PKN2: variants seen among roughly 807,000 people sequenced by gnomAD.
PKN2 encodes the protein protein kinase N2, also known as serine/threonine-protein kinase N2.
Under a neutral mutation model 119.1 loss-of-function variants are expected in PKN2, and 38 were observed. That is an observed-to-expected ratio of 0.32 (90% CI 0.25 to 0.42). PKN2 has a LOEUF of 0.42. Ranked by LOEUF, PKN2 falls within the 10% of genes least tolerant of loss-of-function variation. The probability of loss-of-function intolerance (pLI) is 1.00; values close to 1 mark genes in which losing one functional copy is unlikely to be tolerated. For missense variants in PKN2, 850 were observed against 1,165.1 expected, an observed-to-expected ratio of 0.73 and a Z score of 3.94; for synonymous variants, 390 against 384.9, an observed-to-expected ratio of 1.01 and a Z score of -0.15.
chr1:88,699,108 C>G (rs1013890685), intron 1 of PKN2, among the ~76,000 whole-genome samples: 3 of 151,862 alleles, frequency 2.0e-5, no homozygotes, highest in East Asian at 3.9e-4. Flanking sequence ...TTCTTTTTCT[C>G]CCTGACCCCT....
intron 8 of PKN2, among the ~76,000 whole-genome samples, chr1:88,800,238 C>T (rs1671250044): frequency 1.3e-5 from 2 of 152,102 alleles, no homozygotes; most frequent in Admixed American, 1.3e-4. Context: ...CCCAACAGTT[C>T]CATTTATTAA....
At chr1:88,812,152 T>C (rs1045863254) in intron 15 of PKN2, among the ~76,000 whole-genome samples, 3 of 152,216 alleles carry the variant, frequency 2.0e-5, no homozygotes, top group Admixed American at 6.5e-5. Flanking sequence ...TTTTGTGTGC[T>C]ATAAAATGCA....
chr1:88,825,588 A>T (rs1672468827), intron 18 of PKN2, among the ~76,000 whole-genome samples: 1 of 152,162 alleles, frequency 6.6e-6, no homozygotes, highest in Non-Finnish European at 1.5e-5. Context: ...TTCTACTGCC[A>T]CTTAACCTCC....
intron 8 of PKN2, among the ~76,000 whole-genome samples, chr1:88,789,627 C>G (rs1670728503): frequency 6.6e-6 from 1 of 151,774 alleles, no homozygotes; most frequent in African/African-American, 2.4e-5. Flanking sequence ...CACGCCACTG[C>G]ACTCCAGCCT....
At chr1:88,691,478 A>G (rs1248919348) in intron 1 of PKN2, among the ~76,000 whole-genome samples, 1 of 152,172 alleles carries the variant, frequency 6.6e-6, no homozygotes, top group Non-Finnish European at 1.5e-5. Flanking sequence ...TCATTGAACA[A>G]ATTTTATGCA....
intron 15 of PKN2, among the ~76,000 whole-genome samples, chr1:88,808,750 C>T (rs982433443): frequency 6.6e-6 from 1 of 152,078 alleles, no homozygotes; most frequent in Non-Finnish European, 1.5e-5. Flanking sequence ...CAGAAAGAGG[C>T]TTTCAATGGA....
chr1:88,686,823 C>G (rs988725150), intron 1 of PKN2, among the ~76,000 whole-genome samples: 5 of 151,980 alleles, frequency 3.3e-5, no homozygotes, highest in African/African-American at 1.2e-4. Flanking sequence ...ACTTTTGTTT[C>G]AAGATTCACT....
chr1:88,819,155 G>A (rs1672140320), intron 16 of PKN2, among the ~76,000 whole-genome samples: 1 of 152,178 alleles, frequency 6.6e-6, no homozygotes, highest in Non-Finnish European at 1.5e-5. Context: ...AAAAGCAGTG[G>A]CAACCAAAGC....
intron 1 of PKN2, among the ~76,000 whole-genome samples, chr1:88,740,060 A>G (rs896696159): frequency 6.6e-6 from 1 of 152,206 alleles, no homozygotes; most frequent in African/African-American, 2.4e-5. Context: ...AACTATTTAC[A>G]TACCACTTGT....
rs557214750 is a variant in PKN2, at chr1:88,692,941, A to C, written c.48+8313A>C. On this transcript the variant is annotated intron_variant, in intron 1 of 21. Transcript: ENST00000370521. ...TTTGGTATAGAAAGGGTAAAGTTAT[A>C]TTAATAGTTTATGGCCTGGGGATTT... 1.8e-4 allele frequency among the ~76,000 whole-genome samples: 27 copies of C among 152,338 alleles called. 1 individual carries two copies. In the South Asian group the frequency reaches 5.6e-3, roughly 32 times the overall value.
Position 88,800,651 on chromosome 1 carries a change from C to T in PKN2, c.1282-3740C>T, listed in dbSNP as rs72724764. Among the ~76,000 whole-genome samples the T allele has an allele frequency of 5.8e-3, 877 of 152,336 alleles. 5 individuals are homozygous for T. The highest frequency in any genetic ancestry group is 0.01 in the Non-Finnish European group (684 of 68,030). On this transcript the variant is annotated intron_variant, in intron 8 of 21. Transcript: ENST00000370521. ...TACTCTCTGGCACCCCAGGGCTCCTCAGTGAACACTTCGAGAACCTCAGCA... is the reference window on the plus strand; with the variant it reads ...TACTCTCTGGCACCCCAGGGCTCCTTAGTGAACACTTCGAGAACCTCAGCA...
At chr1:88,707,125 C>T (rs935898923) in intron 1 of PKN2, among the ~76,000 whole-genome samples, 3 of 151,786 alleles carry the variant, frequency 2.0e-5, no homozygotes, top group Non-Finnish European at 4.4e-5. Flanking sequence ...ATATTTCAAA[C>T]ATGTACCAAA....
At chr1:88,717,716 G>T (rs1461374903) in intron 1 of PKN2, among the ~76,000 whole-genome samples, 1 of 152,026 alleles carries the variant, frequency 6.6e-6, no homozygotes, top group Admixed American at 6.6e-5. Context: ...AAGGTTTTTA[G>T]CTTCCTTGCG....
rs1491259052 is a variant in PKN2, at chr1:88,820,180, C to CAATATATATATATATA, written c.2280-1761_2280-1760insAATATATATATATATA. ...AAATCAAACAAATCTTTTCAGAAAC[C>CAATATATATATATATA]TATATATATATATATATATATATAT... is the stretch of plus-strand genomic sequence containing the variant. On this transcript the variant is annotated intron_variant, in intron 16 of 21. Coordinates refer to ENST00000370521, the MANE Select transcript of PKN2 (RefSeq NM_006256.4). 1.8e-4 allele frequency among the ~76,000 whole-genome samples: 13 copies of CAATATATATATATATA among 70,722 alleles called. 1 individual carries two copies. The South Asian group carries it at 2.1e-3, about 11-fold the overall frequency. The allele number at this position is 70,722 out of a possible 152,430, so 46.4% of individuals were successfully genotyped here.
chr1:88,799,914 A>G (rs1008321637), intron 8 of PKN2, among the ~76,000 whole-genome samples: 7 of 152,168 alleles, frequency 4.6e-5, no homozygotes, highest in African/African-American at 1.4e-4. Context: ...TCCAAAGCCT[A>G]TGTTGTCCTC....
At chr1:88,697,215 C>G (rs1666574439) in intron 1 of PKN2, among the ~76,000 whole-genome samples, 1 of 152,104 alleles carries the variant, frequency 6.6e-6, no homozygotes, top group Admixed American at 6.5e-5. Context: ...CATGTCTCTA[C>G]TACTTTCAAG....
intron 3 of PKN2, among the ~76,000 whole-genome samples, chr1:88,768,902 C>G (rs973955665): frequency 6.6e-6 from 1 of 152,090 alleles, no homozygotes; most frequent in African/African-American, 2.4e-5. Context: ...AGCTTACAGT[C>G]GTGATGGAAG....
chr1:88,700,048 G>T (rs192587279), intron 1 of PKN2, among the ~76,000 whole-genome samples: 4 of 152,166 alleles, frequency 2.6e-5, no homozygotes, highest in South Asian at 4.2e-4. Context: ...CTCCCAAAGT[G>T]CTGGAATTAC....
Position 88,814,480 on chromosome 1 carries a change from G to A in PKN2, c.2279+747G>A, listed in dbSNP as rs960001171. On this transcript the variant is annotated intron_variant, in intron 16 of 21. Coordinates refer to ENST00000370521, the MANE Select transcript of PKN2 (RefSeq NM_006256.4). ...CTGCATGCTGGTGTTTACCAAATTT[G>A]TGTTTCCAGCCCCGTCCTCTTACCT... 9.9e-5 allele frequency among the ~76,000 whole-genome samples: 15 copies of A among 152,084 alleles called. 1 individual carries two copies. The highest frequency in any genetic ancestry group is 3.1e-4 in the African/African-American group (13 of 41,426).
Sources: gnomAD v4.1 joint callset for allele counts (sites outside exome capture counted in the v4.1 genomes callset) on GRCh38, gnomAD v4.1.1 for gene constraint, MANE v1.5 for transcripts, NCBI Gene and HGNC (gene_info 2026-07-23, HGNC 2026-07-21) for gene names.